DMGDH: variants seen among roughly 807,000 people sequenced by gnomAD.
DMGDH encodes dimethylglycine dehydrogenase.
DMGDH carries 76 observed loss-of-function variants against 95.2 expected under a neutral mutation model. That is an observed-to-expected ratio of 0.80 (90% CI 0.66 to 0.97). The LOEUF is 0.97. DMGDH is among the 50% of genes least tolerant of loss of function. The probability of loss-of-function intolerance (pLI) is 0.00; values close to 1 mark genes in which losing one functional copy is unlikely to be tolerated. For synonymous variants in DMGDH, 345 were observed against 377.6 expected, an observed-to-expected ratio of 0.91 and a Z score of 1.00; for missense variants, 987 against 1,055.0, an observed-to-expected ratio of 0.94 and a Z score of 0.89.
Position 79,069,562 on chromosome 5 carries a change from T to C in DMGDH, c.59A>G (p.Gln20Arg). The change falls in exon 1 of 16, where the codon CAG (glutamine) becomes CGG (arginine). Residue 20 changes from glutamine to arginine, a missense_variant. Gln to Arg is a conservative substitution (Grantham distance 43, BLOSUM62 1). Coordinates refer to ENST00000255189, the MANE Select transcript of DMGDH (RefSeq NM_013391.3). ...RGLLLRSCPL[Q>R]GSPGRPRSVC... ...AGAGCGCGGGCGCCCGGGGGAGCCCTGCAGCGGGCAGCTCCGCAGCAGGAG... is the reference window on the plus strand; with the variant it reads ...AGAGCGCGGGCGCCCGGGGGAGCCCCGCAGCGGGCAGCTCCGCAGCAGGAG... The C allele has an allele frequency of 7.5e-7, 1 of 1,341,782 alleles. No individual in the cohort carries two copies. The allele number at this position is 1,341,782 out of a possible 1,614,324, so 83.1% of individuals were successfully genotyped here.
rs760553323 is a variant in DMGDH, at chr5:79,033,392, C to T, written c.1210G>A (p.Ala404Thr). 12 of 1,614,014 alleles carry T rather than the reference C, an allele frequency of 7.4e-6. No homozygotes were observed. The highest frequency in any genetic ancestry group is 1.7e-5 in the Admixed American group (1 of 60,004). The change falls in exon 8 of 16, where the codon GCT becomes ACT. Residue 404 changes from alanine (A) to threonine (T), a missense_variant. Coordinates refer to ENST00000255189, the MANE Select transcript of DMGDH (RefSeq NM_013391.3). The stretch of plus-strand genomic sequence containing the variant: ...CTGAGATATTTCCCTACCCCACCAG[C>T]GTGGATTATGCCATATCTTTCAAAT... ...AIGFGYGIIHAGGVGKYLSDW... is the reference protein window; with the variant it reads ...AIGFGYGIIHTGGVGKYLSDW...
chr5:79,001,978 G>A (rs1162322834), intron 15 of DMGDH, among the ~76,000 whole-genome samples: 1 of 152,192 alleles, frequency 6.6e-6, no homozygotes, highest in Admixed American at 6.5e-5. Flanking sequence ...AGTGAACTGT[G>A]AGAACAATCT....
intron 13 of DMGDH, among the ~76,000 whole-genome samples, chr5:79,025,070 TAAA>T (rs1753962049): frequency 6.6e-6 from 1 of 152,220 alleles, no homozygotes; most frequent in Non-Finnish European, 1.5e-5. Flanking sequence ...TGAGCTATTC[TAAA>T]ATTATATTTA....
chr5:79,030,673 A>C, intron 10 of DMGDH, 160 bp downstream of exon 10: 1 of 754,386 alleles, frequency 1.3e-6, no homozygotes, highest in East Asian at 2.8e-5. Context: ...AAAAGAAAAG[A>C]AAAAAAGAAA....
chr5:79,025,852 C>T (rs1294660247), intron 13 of DMGDH, among the ~76,000 whole-genome samples: 2 of 152,058 alleles, frequency 1.3e-5, no homozygotes, highest in African/African-American at 4.8e-5. Flanking sequence ...GTAATCTGGA[C>T]CAAGTGGTTC....
intron 14 of DMGDH, chr5:79,020,749 A>G: frequency 1.0e-6 from 1 of 984,476 alleles, no homozygotes; most frequent in Non-Finnish European, 1.2e-6. Flanking sequence ...GAGAGAGAAA[A>G]AGGGAAAGAG....
rs973517835 is a variant in DMGDH at position 79,014,726 on chromosome 5, A to C, written c.2251-9319T>G. Among the ~76,000 whole-genome samples, 4 of 152,206 alleles carry C rather than the reference A, an allele frequency of 2.6e-5. No individual in the cohort carries two copies. In the East Asian group the frequency reaches 7.7e-4, roughly 29 times the overall value. The stretch of plus-strand genomic sequence containing the variant: ...TTTATCTCATCTAATACTTATGACA[A>C]ATTTATGGAGTGAACATTTTCTTCA... On this transcript the variant is annotated intron_variant, in intron 14 of 15. Coordinates refer to ENST00000255189, the MANE Select transcript of DMGDH (RefSeq NM_013391.3).
chr5:79,006,768 A>G (rs940485583), intron 14 of DMGDH, among the ~76,000 whole-genome samples: 11 of 152,080 alleles, frequency 7.2e-5, no homozygotes, highest in Non-Finnish European at 1.5e-4. Context: ...CACTTGAAAC[A>G]TTTAGGACTG....
At chr5:79,010,549 G>A (rs1053105404) in intron 14 of DMGDH, among the ~76,000 whole-genome samples, 2 of 152,154 alleles carry the variant, frequency 1.3e-5, no homozygotes, top group South Asian at 4.1e-4. Flanking sequence ...AATTGGTGAT[G>A]ATGGAATGCT....
intron 13 of DMGDH, 123 bp from the exon 14 acceptor site, chr5:79,024,453 G>T: frequency 2.1e-6 from 2 of 956,922 alleles, no homozygotes; most frequent in Non-Finnish European, 3.3e-6. Flanking sequence ...TCTAAAGAAA[G>T]GCAAACTATA....
chr5:79,033,537 T>C (rs1320699123), intron 7 of DMGDH, 129 bp from the exon 8 acceptor site: 1 of 1,132,428 alleles, frequency 8.8e-7, no homozygotes, highest in African/African-American at 1.5e-5. Context: ...AGTAACATAA[T>C]CTCTATGGAA....
Position 79,069,536 on chromosome 5 carries a change from C to T in DMGDH, c.85G>A (p.Val29Ile). The T allele has an allele frequency of 8.4e-6, 11 of 1,309,096 alleles. No individual in the cohort carries two copies. The highest frequency in any genetic ancestry group is 1.1e-5 in the Non-Finnish European group (11 of 1,031,930). The allele number at this position is 1,309,096 out of a possible 1,614,324, so 81.1% of individuals were successfully genotyped here. Residue 29 changes from valine to isoleucine, a missense_variant, in exon 1 of 16, where the codon GTC becomes ATC. Val to Ile is a conservative substitution (Grantham distance 29). Coordinates refer to ENST00000255189, the MANE Select transcript of DMGDH (RefSeq NM_013391.3). The stretch of plus-strand genomic sequence containing the variant: ...CCCACTCACCCTTCCCGGCCGCAGA[C>T]AGAGCGCGGGCGCCCGGGGGAGCCC... ...LQGSPGRPRS[V>I]CGREGEEKPP... is the part of the protein sequence containing the mutation.
At chr5:79,009,103 T>C (rs576941504) in intron 14 of DMGDH, among the ~76,000 whole-genome samples, 1 of 152,330 alleles carries the variant, frequency 6.6e-6, no homozygotes, top group South Asian at 2.1e-4. Flanking sequence ...AAATTTCTTT[T>C]AGGTGGCCGG....
At chr5:79,020,582 TG>T in intron 14 of DMGDH, 1 of 862,040 alleles carries the variant, frequency 1.2e-6, no homozygotes, top group Non-Finnish European at 1.4e-6. Context: ...TGGGTTGTTT[TG>T]TTTTTGGTTA....
At chr5:79,054,109 T>A in intron 4 of DMGDH, 75 bp downstream of exon 4, 2 of 1,542,944 alleles carry the variant, frequency 1.3e-6, no homozygotes, top group South Asian at 2.3e-5. Context: ...TTTCTGTTTT[T>A]AGTTAACTTC....
intron 15 of DMGDH, chr5:79,001,104 G>A: frequency 1.6e-6 from 1 of 620,898 alleles, no homozygotes; most frequent in Admixed American, 2.5e-5. Flanking sequence ...GTTACTCCCT[G>A]CGTCCCCCTC....
At chr5:79,009,004 T>C (rs1170359919) in intron 14 of DMGDH, among the ~76,000 whole-genome samples, 1 of 152,126 alleles carries the variant, frequency 6.6e-6, no homozygotes, top group East Asian at 1.9e-4. Flanking sequence ...TTTATCCATA[T>C]TTTTTTAAAT....
At chr5:79,044,615 TA>T in intron 5 of DMGDH, 63 bp from the exon 6 acceptor site, 15 of 1,557,598 alleles carry the variant, frequency 9.6e-6, no homozygotes, top group Non-Finnish European at 1.3e-5. Context: ...GACACTCATA[TA>T]GCAATTTATA....
chr5:79,065,185 A>G (rs1246455983), intron 1 of DMGDH, among the ~76,000 whole-genome samples: 1 of 150,976 alleles, frequency 6.6e-6, no homozygotes, highest in African/African-American at 2.4e-5. Flanking sequence ...GCAATAACAC[A>G]TACACAGCTG....
Sources: allele counts gnomAD v4.1 joint callset (sites outside exome capture counted in the v4.1 genomes callset), GRCh38; gene constraint gnomAD v4.1.1; transcripts MANE v1.5; gene names NCBI Gene and HGNC (gene_info 2026-07-23, HGNC 2026-07-21).